FIP1L1: variants seen among roughly 807,000 people sequenced by gnomAD.
FIP1L1 encodes pre-mRNA 3'-end-processing factor FIP1.
Under a neutral mutation model 84.6 loss-of-function variants are expected in FIP1L1, and 21 were observed. That is an observed-to-expected ratio of 0.25 (90% CI 0.18 to 0.36). FIP1L1 has a LOEUF of 0.36. Among genes scored for constraint, FIP1L1 ranks in the 10% least tolerant of loss-of-function variants. FIP1L1 has a pLI of 1.00. For synonymous variants in FIP1L1, 263 were observed against 242.3 expected (o/e 1.09, Z -0.80); for missense variants, 526 against 751.1 (o/e 0.70, Z 3.50).
chr4:53,396,639 CGT>C (rs1042701901), intron 9 of FIP1L1, among the ~76,000 whole-genome samples: 4 of 151,454 alleles, frequency 2.6e-5, no homozygotes, highest in Non-Finnish European at 5.9e-5. Flanking sequence ...CTCCTGACCT[CGT>C]GATCCACCCA....
At chr4:53,390,032 G>A (rs1261759849) in intron 6 of FIP1L1, among the ~76,000 whole-genome samples, 159 bp downstream of exon 6, 1 of 151,992 alleles carries the variant, frequency 6.6e-6, no homozygotes, top group Non-Finnish European at 1.5e-5. Flanking sequence ...TCCGTCTCCT[G>A]GGCTCAAACC....
intron 13 of FIP1L1, among the ~76,000 whole-genome samples, chr4:53,434,364 CCT>C (rs1303049851): frequency 6.6e-6 from 1 of 151,998 alleles, no homozygotes; most frequent in Non-Finnish European, 1.5e-5. Context: ...GCTGGTTTCT[CCT>C]GTTTGTTTTC....
chr4:53,423,329 T>G (rs1455252138), intron 11 of FIP1L1, among the ~76,000 whole-genome samples: 1 of 152,142 alleles, frequency 6.6e-6, no homozygotes, highest in Non-Finnish European at 1.5e-5. Context: ...GATAATAGCA[T>G]TAGCTGTCTA....
chr4:53,404,293 G>T (rs1356269370), intron 10 of FIP1L1, among the ~76,000 whole-genome samples: 3 of 150,920 alleles, frequency 2.0e-5, no homozygotes, highest in Non-Finnish European at 2.9e-5. Flanking sequence ...AGTTTACTGA[G>T]AATGATGATT....
At chr4:53,391,731 T>C (rs1379562734) in intron 9 of FIP1L1, among the ~76,000 whole-genome samples, 3 of 152,198 alleles carry the variant, frequency 2.0e-5, no homozygotes, top group Non-Finnish European at 4.4e-5. Context: ...GTTTGCTATA[T>C]GTTGTGATTT....
intron 13 of FIP1L1, chr4:53,440,918 T>A (rs540056756): frequency 4.1e-6 from 1 of 242,456 alleles, no homozygotes; most frequent in South Asian, 6.3e-5. Context: ...GACCAATGAA[T>A]TTTTTATGTA....
Position 53,410,151 on chromosome 4 carries a change from A to G in FIP1L1, c.816-4464A>G, listed in dbSNP as rs146423448. On this transcript the variant is annotated intron_variant, in intron 10 of 17. Transcript: ENST00000337488. ...CACCTTGGCTCCATCCTTAAAATCC[A>G]CTTTTCATCGCACATCACAGTCAGA... Among the ~76,000 whole-genome samples, 74 of 152,238 alleles carry G rather than the reference A, an allele frequency of 4.9e-4. 1 individual carries two copies. In the East Asian group the frequency reaches 0.013, roughly 27 times the overall value.
intron 16 of FIP1L1, among the ~76,000 whole-genome samples, chr4:53,455,109 T>C (rs916322991): frequency 2.6e-5 from 4 of 152,226 alleles, no homozygotes; most frequent in African/African-American, 7.2e-5. Context: ...TTGAAAAGAA[T>C]TGGGCTTTGC....
chr4:53,428,326 C>T (rs1765134928), intron 13 of FIP1L1, 143 bp downstream of exon 13: 2 of 716,954 alleles, frequency 2.8e-6, no homozygotes, highest in East Asian at 5.8e-5. Flanking sequence ...CACACTGAAA[C>T]AGATATATAT....
chr4:53,458,539 G>T, intron 16 of FIP1L1, 114 bp from the exon 17 acceptor site: 1 of 944,920 alleles, frequency 1.1e-6, no homozygotes, highest in Non-Finnish European at 1.5e-6. Flanking sequence ...TGTTATAAAA[G>T]ATGCTAATGT....
intron 13 of FIP1L1, among the ~76,000 whole-genome samples, chr4:53,440,211 A>AG (rs1771313521): frequency 6.6e-6 from 1 of 152,098 alleles, no homozygotes; most frequent in Non-Finnish European, 1.5e-5. Context: ...AAGAACCCAC[A>AG]GATCAGTTTT....
intron 3 of FIP1L1, among the ~76,000 whole-genome samples, chr4:53,381,295 T>C (rs1303116180): frequency 6.6e-6 from 1 of 152,200 alleles, no homozygotes. Context: ...AAGTTCCTGC[T>C]ATTAGAATTT....
intron 10 of FIP1L1, among the ~76,000 whole-genome samples, chr4:53,413,798 C>G (rs1398381373): frequency 1.3e-5 from 2 of 152,020 alleles, no homozygotes; most frequent in African/African-American, 2.4e-5. Context: ...TCCATGTTCA[C>G]TGATTTATTT....
chr4:53,440,485 AGGGGT>A, intron 13 of FIP1L1: 1 of 701,678 alleles, frequency 1.4e-6, no homozygotes. Flanking sequence ...TAATGAGGCG[AGGGGT>A]TTTATTTCAA....
intron 9 of FIP1L1, among the ~76,000 whole-genome samples, chr4:53,392,993 T>C (rs1745108633): frequency 6.6e-6 from 1 of 152,198 alleles, no homozygotes; most frequent in Non-Finnish European, 1.5e-5. Flanking sequence ...ATTAAGAATA[T>C]GTGTGGCAAA....
rs1374282194 is a variant in FIP1L1, at chr4:53,460,336, G to A, written c.*887G>A. On this transcript the variant is annotated 3_prime_UTR_variant, in exon 18 of 18. Coordinates refer to ENST00000337488, the MANE Select transcript of FIP1L1 (RefSeq NM_030917.4). ...AGCATTTTTAGGGATAAGCCTAGGA[G>A]GTATTCATCGGTGATGGTAACAAAT... 1 of 189,334 alleles carries A rather than the reference G, an allele frequency of 5.3e-6. No individual in the cohort carries two copies. The highest frequency in any genetic ancestry group is 2.3e-5 in the African/African-American group (1 of 42,556). The allele number at this position is 189,334 out of a possible 1,614,324, so 11.7% of individuals were successfully genotyped here.
intron 15 of FIP1L1, among the ~76,000 whole-genome samples, chr4:53,448,874 C>G (rs1197525999): frequency 6.6e-6 from 1 of 151,996 alleles, no homozygotes; most frequent in Non-Finnish European, 1.5e-5. Context: ...GGATTTAGTC[C>G]TTAGGTACCT....
chr4:53,390,423 C>A (rs1294189222), intron 6 of FIP1L1, 98 bp from the exon 7 acceptor site: 7 of 705,066 alleles, frequency 9.9e-6, no homozygotes, highest in Non-Finnish European at 1.7e-5. Context: ...GTATATGTGC[C>A]AGGAATAGTA....
intron 10 of FIP1L1, among the ~76,000 whole-genome samples, chr4:53,412,693 A>G (rs1352499223): frequency 6.6e-6 from 1 of 152,082 alleles, no homozygotes; most frequent in Non-Finnish European, 1.5e-5. Flanking sequence ...TTTATTAGAA[A>G]TGATAATTCT....
Sources: gnomAD v4.1 joint callset for allele counts (sites outside exome capture counted in the v4.1 genomes callset) on GRCh38, gnomAD v4.1.1 for gene constraint, MANE v1.5 for transcripts, NCBI Gene and HGNC (gene_info 2026-07-23, HGNC 2026-07-21) for gene names.